RAPGEF4: variants seen among roughly 807,000 people sequenced by gnomAD.
RAPGEF4 encodes Rap guanine nucleotide exchange factor 4.
A neutral mutation model predicts 147.9 loss-of-function variants in RAPGEF4; 66 were observed. The ratio of observed to expected loss-of-function variants is 0.45; its 90% CI spans 0.37 to 0.55. The LOEUF (loss-of-function observed/expected upper bound fraction) is 0.55, where lower values mean the gene tolerates loss of function less well. Among genes scored for constraint, RAPGEF4 ranks in the 20% least tolerant of loss-of-function variants. The pLI is 0.00. For synonymous variants in RAPGEF4, 419 were observed against 442.7 expected, an observed-to-expected ratio of 0.95 and a Z score of 0.67; for missense variants, 1,071 against 1,257.3, an observed-to-expected ratio of 0.85 and a Z score of 2.24.
intron 6 of RAPGEF4, among the ~76,000 whole-genome samples, chr2:172,933,811 T>C (rs1173523451): frequency 6.6e-6 from 1 of 152,216 alleles, no homozygotes; most frequent in Non-Finnish European, 1.5e-5. Flanking sequence ...TAAAAACAGC[T>C]AAGTGAACCA....
In RAPGEF4 at chr2:172,795,081, T is replaced by TTAA; in HGVS notation, c.123_125dup (p.Val41_Lys42insAsn). On this transcript the variant is annotated inframe_insertion, in exon 2 of 31. Transcript: ENST00000397081. Reference sequence around the variant, plus strand: ...ATAATCTTCACTCGACTGAAAGAAGTTAAAGCTTTTGAGAAATTTCACCCA... The same window carrying TTAA: ...ATAATCTTCACTCGACTGAAAGAAGTTAATAAAGCTTTTGAGAAATTTCACCCA... 1.2e-6 allele frequency: 2 copies of TTAA among 1,613,842 alleles called. No homozygotes were observed. The highest frequency in any genetic ancestry group is 1.7e-6 in the Non-Finnish European group (2 of 1,179,738).
chr2:173,014,648 G>C lies in RAPGEF4; in HGVS notation c.1809+34G>C, dbSNP rs149547713. On this transcript the variant is annotated intron_variant, in intron 18 of 30. Coordinates refer to ENST00000397081, the MANE Select transcript of RAPGEF4 (RefSeq NM_007023.4). ...GGGTCATCTCTTCCAAGAATATACT[G>C]TTGTCCTGCAATACAGGGACCTACT... is the stretch of plus-strand genomic sequence containing the variant. 481 of 1,598,568 alleles carry C rather than the reference G, an allele frequency of 3.0e-4. 6 individuals are homozygous for C. In the East Asian group the frequency reaches 0.011, roughly 35 times the overall value.
intron 4 of RAPGEF4, among the ~76,000 whole-genome samples, chr2:172,871,124 G>A (rs190447611): frequency 3.3e-5 from 5 of 152,188 alleles, no homozygotes; most frequent in African/African-American, 1.2e-4. Flanking sequence ...CTCCTCATAG[G>A]GTTGTTCCAT....
chr2:172,894,216 A>G (rs541846688), intron 4 of RAPGEF4: 6 of 152,388 alleles, frequency 3.9e-5, no homozygotes, highest in Admixed American at 3.9e-4. Context: ...CCTGTTTGGC[A>G]TGGAGTGGCT....
At chr2:172,884,935 C>T (rs1697015486) in intron 4 of RAPGEF4, among the ~76,000 whole-genome samples, 3 of 152,226 alleles carry the variant, frequency 2.0e-5, no homozygotes, top group South Asian at 2.1e-4. Flanking sequence ...TTGTAGCAAA[C>T]GCTATTGTTG....
At chr2:172,862,820 C>G (rs1264064177) in intron 4 of RAPGEF4, among the ~76,000 whole-genome samples, 1 of 152,114 alleles carries the variant, frequency 6.6e-6, no homozygotes, top group Non-Finnish European at 1.5e-5. Flanking sequence ...ATTCATCATA[C>G]AGGAATTAAG....
intron 4 of RAPGEF4, among the ~76,000 whole-genome samples, chr2:172,839,240 T>A (rs1472627671): frequency 6.6e-6 from 1 of 151,972 alleles, no homozygotes; most frequent in Non-Finnish European, 1.5e-5. Flanking sequence ...GGTTCTTGGA[T>A]CTCACACAAG....
At chr2:172,778,505 C>A (rs1684385753) in intron 1 of RAPGEF4, among the ~76,000 whole-genome samples, 1 of 151,964 alleles carries the variant, frequency 6.6e-6, no homozygotes, top group African/African-American at 2.4e-5. Flanking sequence ...GATTAGTGAC[C>A]AAAGGAGTGG....
chr2:172,993,855 T>C (rs1020419700), intron 15 of RAPGEF4, among the ~76,000 whole-genome samples: 1 of 152,182 alleles, frequency 6.6e-6, no homozygotes, highest in African/African-American at 2.4e-5. Flanking sequence ...ACAGCAACTG[T>C]ACCACGAGAG....
At chr2:172,939,259 T>A (rs959811068) in intron 6 of RAPGEF4, among the ~76,000 whole-genome samples, 2 of 152,226 alleles carry the variant, frequency 1.3e-5, no homozygotes, top group Admixed American at 6.5e-5. Flanking sequence ...AAAGTGGTTG[T>A]ACCATTTTGT....
intron 6 of RAPGEF4, among the ~76,000 whole-genome samples, chr2:172,935,197 G>T (rs1559131048): frequency 1.3e-5 from 2 of 152,196 alleles, no homozygotes; most frequent in South Asian, 2.1e-4. Context: ...AACAAGAGAG[G>T]AAATTGGGGG....
rs543151937 is a variant in RAPGEF4 at position 172,812,776 on chromosome 2, G to A, written c.298-1503G>A. Among the ~76,000 whole-genome samples the A allele has an allele frequency of 1.3e-4, 20 of 152,310 alleles. No individual in the cohort carries two copies. In the East Asian group the frequency reaches 2.9e-3, roughly 22 times the overall value. ...AAAATTAGGCAAAAGAATTCTTTCC[G>A]AAGGGTTCAGGTGATAGAAAAATGA... is the stretch of plus-strand genomic sequence containing the variant. On this transcript the variant is annotated intron_variant, in intron 3 of 30. Coordinates refer to ENST00000397081, the MANE Select transcript of RAPGEF4 (RefSeq NM_007023.4).
In RAPGEF4 at chr2:173,052,367, T is replaced by C. The variant is rs1245859836; in HGVS notation, c.*600T>C. 1 of 152,656 alleles carries C rather than the reference T, an allele frequency of 6.6e-6. No individual in the cohort carries two copies. Among genetic ancestry groups the C allele is most frequent in the African/African-American group, 2.4e-5 (1 of 41,458 alleles). 9.5% of individuals were successfully genotyped at this position (152,656 alleles called of 1,614,324 possible). ...GACTGGTCTGTAATTTCTGAATGTATATAGAATAATATTTATGTTTACAAT... is the reference window on the plus strand; with the variant it reads ...GACTGGTCTGTAATTTCTGAATGTACATAGAATAATATTTATGTTTACAAT... On this transcript the variant is annotated 3_prime_UTR_variant, in exon 31 of 31. Coordinates refer to ENST00000397081, the MANE Select transcript of RAPGEF4 (RefSeq NM_007023.4).
At chr2:172,824,805 A>G (rs1303469992) in intron 4 of RAPGEF4, among the ~76,000 whole-genome samples, 1 of 152,212 alleles carries the variant, frequency 6.6e-6, no homozygotes, top group Non-Finnish European at 1.5e-5. Context: ...GAAGACAGGT[A>G]ATAATTTTAC....
chr2:173,023,898 G>T (rs573931547), intron 23 of RAPGEF4, among the ~76,000 whole-genome samples: 14 of 152,300 alleles, frequency 9.2e-5, no homozygotes, highest in African/African-American at 3.4e-4. Context: ...GCTGCAAGAG[G>T]GAAGGAAGAA....
At position 173,036,205 on chromosome 2, in the gene RAPGEF4, C is replaced by T. The variant is rs1575577661; in HGVS notation, c.2781C>T (p.Leu927=). The change falls in exon 28 of 31, where the codon CTC becomes CTT. Residue 927 remains leucine, a synonymous_variant. Coordinates refer to ENST00000397081, the MANE Select transcript of RAPGEF4 (RefSeq NM_007023.4). ...EPPLIPFMPL[L]IKDMTFTHEG... Reference sequence around the variant, plus strand: ...CTCTCATCCCCTTCATGCCTTTGCTCATTAAAGGTAATCCTAATAAGATGC... The same window carrying T: ...CTCTCATCCCCTTCATGCCTTTGCTTATTAAAGGTAATCCTAATAAGATGC... 1.9e-6 allele frequency: 3 copies of T among 1,605,152 alleles called. No homozygotes were observed. In the East Asian group the frequency reaches 6.7e-5, roughly 36 times the overall value.
chr2:172,761,551 A>T (rs374452632), intron 1 of RAPGEF4, among the ~76,000 whole-genome samples: 1 of 152,220 alleles, frequency 6.6e-6, no homozygotes, highest in Non-Finnish European at 1.5e-5. Context: ...CTGTCTCCAG[A>T]TGAAGAAAAA....
chr2:173,018,394 A>G (rs780879523), intron 21 of RAPGEF4, among the ~76,000 whole-genome samples: 3 of 152,106 alleles, frequency 2.0e-5, no homozygotes, highest in Admixed American at 6.5e-5. Context: ...ATTTTTTCCC[A>G]TGACCTCTTT....
chr2:172,792,686 T>G (rs1330794913), intron 1 of RAPGEF4, among the ~76,000 whole-genome samples: 1 of 152,224 alleles, frequency 6.6e-6, no homozygotes, highest in Non-Finnish European at 1.5e-5. Context: ...TTCCACTTAG[T>G]GACAGATCAT....
Sources: gnomAD v4.1 joint callset for allele counts (sites outside exome capture counted in the v4.1 genomes callset) on GRCh38, gnomAD v4.1.1 for gene constraint, MANE v1.5 for transcripts, NCBI Gene and HGNC (gene_info 2026-07-23, HGNC 2026-07-21) for gene names.